Variants in RBMS3 observed in about 807,000 individuals in gnomAD.
RBMS3 encodes the protein RNA binding motif single stranded interacting protein 3.
In RBMS3, 27 loss-of-function variants were observed where a neutral mutation model predicts 66.8. That is an observed-to-expected ratio of 0.40 (90% confidence interval 0.30 to 0.56). The LOEUF is 0.56. Ranked by LOEUF, RBMS3 falls within the 20% of genes least tolerant of loss-of-function variation. The pLI is 0.40. For synonymous variants in RBMS3, 188 were observed against 183.0 expected (o/e 1.03, Z -0.22); for missense variants, 513 against 549.5 (o/e 0.93, Z 0.66).
In RBMS3 at chr3:29,547,102, A is replaced by T. The variant is rs186460734; in HGVS notation, c.308-40012A>T. Among the ~76,000 whole-genome samples, 4 of 152,222 alleles carry T rather than the reference A, an allele frequency of 2.6e-5. No homozygotes were observed. In the East Asian group the frequency reaches 7.7e-4, roughly 29 times the overall value. ...AGGATCCTCCCATCTCAGCCTTTCAAGTAGCTGGGACTACAGGCACATCAC... is the reference window on the plus strand; with the variant it reads ...AGGATCCTCCCATCTCAGCCTTTCATGTAGCTGGGACTACAGGCACATCAC... On this transcript the variant is annotated intron_variant, in intron 3 of 14. Coordinates refer to ENST00000383767, the MANE Select transcript of RBMS3 (RefSeq NM_001003793.3).
At chr3:29,827,434 C>G (rs1304671548) in intron 6 of RBMS3, among the ~76,000 whole-genome samples, 1 of 152,138 alleles carries the variant, frequency 6.6e-6, no homozygotes, top group Non-Finnish European at 1.5e-5. Context: ...TCCCTCATAT[C>G]TATATTACTT....
chr3:29,557,363 G>A (rs1204828092), intron 3 of RBMS3, among the ~76,000 whole-genome samples: 1 of 152,202 alleles, frequency 6.6e-6, no homozygotes, highest in Non-Finnish European at 1.5e-5. Flanking sequence ...AAGGCATCAT[G>A]AGCATCTCTA....
At chr3:29,785,839 C>T (rs1464807110) in intron 6 of RBMS3, among the ~76,000 whole-genome samples, 1 of 151,868 alleles carries the variant, frequency 6.6e-6, no homozygotes, top group Non-Finnish European at 1.5e-5. Flanking sequence ...AAGTCTTAGC[C>T]AGAACAATCA....
At chr3:29,976,458 C>T (rs1280499219) in intron 12 of RBMS3, among the ~76,000 whole-genome samples, 1 of 152,032 alleles carries the variant, frequency 6.6e-6, no homozygotes, top group African/African-American at 2.4e-5. Context: ...TAATATAAAG[C>T]ATTATGAATG....
chr3:29,903,667 AT>A (rs1383893903), intron 10 of RBMS3, among the ~76,000 whole-genome samples: 2 of 151,966 alleles, frequency 1.3e-5, no homozygotes, highest in East Asian at 3.9e-4. Context: ...CTTAAACTTT[AT>A]TTAAGCTCAT....
chr3:29,850,021 G>A (rs974747303), intron 6 of RBMS3, among the ~76,000 whole-genome samples: 1 of 152,204 alleles, frequency 6.6e-6, no homozygotes, highest in African/African-American at 2.4e-5. Flanking sequence ...ATACGAGGTA[G>A]GCAGACGTGA....
chr3:29,643,535 A>T (rs1388325036), intron 4 of RBMS3, among the ~76,000 whole-genome samples: 1 of 152,110 alleles, frequency 6.6e-6, no homozygotes, highest in East Asian at 1.9e-4. Flanking sequence ...TTCAGAATGC[A>T]GCAGAGGAGG....
At chr3:29,894,891 T>G (rs2060090126) in intron 8 of RBMS3, among the ~76,000 whole-genome samples, 1 of 151,446 alleles carries the variant, frequency 6.6e-6, no homozygotes, top group South Asian at 2.1e-4. Context: ...AGTGAGCATT[T>G]TAGGTAGAGA....
intron 2 of RBMS3, among the ~76,000 whole-genome samples, chr3:29,452,425 T>A (rs9822629): frequency 6.6e-6 from 1 of 151,948 alleles, no homozygotes; most frequent in African/African-American, 2.4e-5. Context: ...TACTCTGTGA[T>A]CTAGAATCAA....
rs190743815 is a variant in RBMS3 at position 29,841,989 on chromosome 3, A to G, written c.638-26869A>G. Among the ~76,000 whole-genome samples the G allele has an allele frequency of 5.2e-4, 79 of 152,136 alleles. 1 individual carries two copies. The highest frequency in any genetic ancestry group is 2.7e-4 in the Non-Finnish European group (18 of 67,908). On this transcript the variant is annotated intron_variant, in intron 6 of 14. Coordinates refer to ENST00000383767, the MANE Select transcript of RBMS3 (RefSeq NM_001003793.3). Reference sequence around the variant, plus strand: ...ATCCAGCCACTTAGTGTCTTTTCTTATTTTTGCTAATGACTGCAAAAAATG... The same window carrying G: ...ATCCAGCCACTTAGTGTCTTTTCTTGTTTTTGCTAATGACTGCAAAAAATG...
rs1161374963 is a variant in RBMS3 at position 29,327,384 on chromosome 3, T to C, written c.75+45628T>C. Among the ~76,000 whole-genome samples the C allele has an allele frequency of 2.0e-5, 3 of 152,296 alleles. No homozygotes were observed. The East Asian group carries it at 5.8e-4, about 29-fold the overall frequency. ...GAAGTCTTATGTTTATATTTAATTG[T>C]AAAAGTTAAGGCTACCTCTATGTGA... On this transcript the variant is annotated intron_variant, in intron 1 of 14. Transcript: ENST00000383767.
chr3:29,564,503 A>T (rs78454429), intron 3 of RBMS3, among the ~76,000 whole-genome samples: 1 of 149,104 alleles, frequency 6.7e-6, no homozygotes, highest in Non-Finnish European at 1.5e-5. Context: ...AAAAAAAAAA[A>T]TTTAGTTCTC....
intron 1 of RBMS3, among the ~76,000 whole-genome samples, chr3:29,383,789 T>C (rs2038878590): frequency 6.6e-6 from 1 of 152,204 alleles, no homozygotes; most frequent in Non-Finnish European, 1.5e-5. Flanking sequence ...ACTAACAATA[T>C]GATCCTGGAT....
intron 4 of RBMS3, among the ~76,000 whole-genome samples, chr3:29,702,068 A>ACTCTGTG (rs1236664519): frequency 1.3e-5 from 2 of 152,086 alleles, no homozygotes; most frequent in African/African-American, 2.4e-5. Flanking sequence ...GCCAATCAGC[A>ACTCTGTG]CTCTGTGTCT....
intron 6 of RBMS3, among the ~76,000 whole-genome samples, chr3:29,780,319 CAA>C (rs35102146): frequency 2.0e-5 from 3 of 146,696 alleles, no homozygotes; most frequent in Non-Finnish European, 4.5e-5. Flanking sequence ...AGTCAGATAA[CAA>C]AAAAAAAAAA....
intron 4 of RBMS3, among the ~76,000 whole-genome samples, chr3:29,732,436 T>C (rs1327136738): frequency 2.0e-5 from 3 of 152,152 alleles, no homozygotes; most frequent in African/African-American, 7.2e-5. Context: ...CATTCAAAAA[T>C]AGCCCCATAG....
chr3:29,333,713 C>A (rs2035794965), intron 1 of RBMS3, among the ~76,000 whole-genome samples: 1 of 152,120 alleles, frequency 6.6e-6, no homozygotes, highest in African/African-American at 2.4e-5. Context: ...TGCAGCAGTG[C>A]AATGAAGCCT....
chr3:29,441,668 C>T (rs1438264748), intron 2 of RBMS3, among the ~76,000 whole-genome samples: 1 of 152,124 alleles, frequency 6.6e-6, no homozygotes, highest in East Asian at 1.9e-4. Context: ...GTGAGAATCC[C>T]TTAGGGACCT....
chr3:29,472,525 G>A (rs541955885), intron 2 of RBMS3, among the ~76,000 whole-genome samples: 3 of 152,212 alleles, frequency 2.0e-5, no homozygotes, highest in African/African-American at 4.8e-5. Context: ...GTGGACCCTC[G>A]CTGTGAGTGT....
Sources: allele counts gnomAD v4.1 joint callset (sites outside exome capture counted in the v4.1 genomes callset), GRCh38; gene constraint gnomAD v4.1.1; transcripts MANE v1.5; gene names NCBI Gene and HGNC (gene_info 2026-07-23, HGNC 2026-07-21).